Variants in ADGRA2 observed in about 807,000 individuals in gnomAD.
The protein encoded by ADGRA2 is G-protein coupled receptor 124.
Under a neutral mutation model 98.7 loss-of-function variants are expected in ADGRA2, and 61 were observed. That is an observed-to-expected ratio of 0.62 (90% CI 0.50 to 0.76). The LOEUF (loss-of-function observed/expected upper bound fraction) is 0.76. ADGRA2 is among the 30% of genes least tolerant of loss of function. The pLI is 0.00. For synonymous variants in ADGRA2, 858 were observed against 831.5 expected, an observed-to-expected ratio of 1.03 and a Z score of -0.55; for missense variants, 1,712 against 1,860.0, an observed-to-expected ratio of 0.92 and a Z score of 1.46.
chr8:37,836,097 A>ACACACACACACC (rs1245868623), intron 13 of ADGRA2, among the ~76,000 whole-genome samples: 20 of 108,742 alleles, frequency 1.8e-4, no homozygotes, highest in African/African-American at 5.5e-4. Context: ...ACACACACAC[A>ACACACACACACC]CCCCACAGGC....
chr8:37,832,133 A>ATTT lies in ADGRA2; in HGVS notation c.1097+546_1097+547insTTT, dbSNP rs1563349094. Among the ~76,000 whole-genome samples, 305 of 94,768 alleles carry ATTT rather than the reference A, an allele frequency of 3.2e-3. 2 individuals carry two copies. The highest frequency in any genetic ancestry group is 8.5e-3 in the African/African-American group (250 of 29,414). 62.2% of individuals were successfully genotyped at this position (94,768 alleles called of 152,430 possible). A position where few individuals can be genotyped will look rare whatever the true frequency, so the allele number is the denominator to read the frequency against. ...GCAGAAAAAGACTTTTTTTTTTTTG[A>ATTT]GAGAGAGTCTCACTCTGGAGTGCAA... On this transcript the variant is annotated intron_variant, in intron 8 of 18. Coordinates refer to ENST00000412232, the MANE Select transcript of ADGRA2 (RefSeq NM_032777.10).
chr8:37,839,197 G>C, intron 15 of ADGRA2, 114 bp downstream of exon 15: 1 of 1,413,006 alleles, frequency 7.1e-7, no homozygotes, highest in Non-Finnish European at 1.0e-6. Flanking sequence ...CTTTGCAATG[G>C]GGGAGGGACT....
At position 37,829,823 on chromosome 8, in the gene ADGRA2, C is replaced by T. The variant is rs778310613; in HGVS notation, c.555-28C>T. 1.3e-5 allele frequency: 21 copies of T among 1,597,956 alleles called. No individual in the cohort carries two copies. The Admixed American group carries it at 1.9e-4, about 14-fold the overall frequency. The stretch of plus-strand genomic sequence containing the variant: ...ATGAGCCCACACTCCCTCTGCTCTG[C>T]TCCGTGACCCCTCTGCCCACCCTGC... On this transcript the variant is annotated intron_variant, in intron 5 of 18. Transcript: ENST00000412232.
intron 8 of ADGRA2, among the ~76,000 whole-genome samples, chr8:37,832,347 C>CT (rs1230519875): frequency 6.6e-6 from 1 of 151,930 alleles, no homozygotes; most frequent in African/African-American, 2.4e-5. Context: ...GCCACTGCGA[C>CT]TTTTTTTTAG....
chr8:37,833,617 AGGGT>A, intron 9 of ADGRA2, 67 bp from the exon 10 acceptor site: 1 of 1,510,786 alleles, frequency 6.6e-7, no homozygotes, highest in Non-Finnish European at 9.1e-7. Flanking sequence ...CACAGAGCAG[AGGGT>A]CCCCAGGGGC....
rs150292268 is a variant in ADGRA2 at position 37,808,558 on chromosome 8, CTGTG to C, written c.267-6311_267-6308del. On this transcript the variant is annotated intron_variant, in intron 1 of 18. Transcript: ENST00000412232. ...ACATTTTTCTGCCCATTGGATGAAGCTGTGTGTGTGTGTGTGTGTGTGTGTGTGT... is the reference window on the plus strand; with the variant it reads ...ACATTTTTCTGCCCATTGGATGAAGCTGTGTGTGTGTGTGTGTGTGTGTGT... Among the ~76,000 whole-genome samples the C allele has an allele frequency of 2.2e-3, 329 of 146,664 alleles. 1 individual carries two copies. Among genetic ancestry groups the C allele is most frequent in the African/African-American group, 7.3e-3 (291 of 40,086 alleles).
chr8:37,831,553 G>T lies in ADGRA2; in HGVS notation c.1063G>T (p.Ala355Ser). ...VLETSASYCP[A>S]ERVANNRGDF... ...GGAGACCTCTGCCTCCTACTGCCCC[G>T]CCGAGCGTGTTGCCAACAACCGCGG... Residue 355 changes from alanine (A) to serine (S), a missense_variant, in exon 8 of 19, where the codon GCC becomes TCC. By Grantham distance (99) the Ala-to-Ser change is moderately conservative. Transcript: ENST00000412232. The T allele has an allele frequency of 6.2e-7, 1 of 1,613,794 alleles. No individual in the cohort carries two copies. Among genetic ancestry groups the T allele is most frequent in the Non-Finnish European group, 8.5e-7 (1 of 1,180,010 alleles).
intron 8 of ADGRA2, 95 bp from the exon 9 acceptor site, chr8:37,832,915 C>A (rs1005863214): frequency 2.2e-6 from 2 of 914,840 alleles, no homozygotes; most frequent in Non-Finnish European, 3.5e-6. Flanking sequence ...CTCCCCAAGG[C>A]CCCAAGGAGT....
chr8:37,812,721 A>G (rs1337061714), intron 1 of ADGRA2, among the ~76,000 whole-genome samples: 1 of 151,468 alleles, frequency 6.6e-6, no homozygotes, highest in African/African-American at 2.4e-5. Flanking sequence ...GTGGAGTGCA[A>G]TGGTGCCATC....
At position 37,840,848 on chromosome 8, in the gene ADGRA2, T is replaced by C. The variant is rs1805767851; in HGVS notation, c.2746T>C (p.Tyr916His). 1 of 1,574,416 alleles carries C rather than the reference T, an allele frequency of 6.4e-7. No individual in the cohort carries two copies. Among genetic ancestry groups the C allele is most frequent in the Non-Finnish European group, 8.7e-7 (1 of 1,145,634 alleles). ...CCACAACTACCGGGACCACAGCCCCTAGTGAGCACCCCTCCCTCCCGCCCC... is the reference window on the plus strand; with the variant it reads ...CCACAACTACCGGGACCACAGCCCCCAGTGAGCACCCCTCCCTCCCGCCCC... ...NIHNYRDHSP[Y>H]CWLVWRPSLG... The change falls in exon 18 of 19, where the codon TAC (tyrosine) becomes CAC (histidine). Residue 916 changes from tyrosine to histidine, a missense_variant and splice_region_variant. By Grantham distance (83) the Tyr-to-His change is moderately conservative. Coordinates refer to ENST00000412232, the MANE Select transcript of ADGRA2 (RefSeq NM_032777.10).
chr8:37,826,179 G>A (rs1310883124), intron 2 of ADGRA2, among the ~76,000 whole-genome samples: 2 of 152,220 alleles, frequency 1.3e-5, no homozygotes, highest in Non-Finnish European at 2.9e-5. Flanking sequence ...ATGAAGGGAA[G>A]TGACACAATG....
In ADGRA2 at chr8:37,844,439, G is replaced by A. The variant is rs761726764; in HGVS notation, c.*2084G>A. 1.9e-6 allele frequency: 3 copies of A among 1,583,594 alleles called. No individual in the cohort carries two copies. The East Asian group carries it at 6.7e-5, about 36-fold the overall frequency. On this transcript the variant is annotated 3_prime_UTR_variant, in exon 19 of 19. Coordinates refer to ENST00000412232, the MANE Select transcript of ADGRA2 (RefSeq NM_032777.10). ...ACACTTCCATCCTTGGTTATAACAG[G>A]AATGTTATCAAGCTGTCAGAACAGG...
chr8:37,840,172 G>T lies in ADGRA2; in HGVS notation c.2563G>T (p.Val855Leu), dbSNP rs759091895. 1.2e-6 allele frequency: 2 copies of T among 1,611,252 alleles called. No individual in the cohort carries two copies. The highest frequency in any genetic ancestry group is 1.7e-6 in the Non-Finnish European group (2 of 1,179,788). The change falls in exon 17 of 19, where the codon GTG becomes TTG. Residue 855 changes from valine to leucine, a missense_variant. Physicochemically the swap from Val to Leu is conservative, Grantham distance 32 (BLOSUM62 1). Coordinates refer to ENST00000412232, the MANE Select transcript of ADGRA2 (RefSeq NM_032777.10). ...SSLSTLLWMGVKARVLHKELT... is the reference protein window; with the variant it reads ...SSLSTLLWMGLKARVLHKELT... The stretch of plus-strand genomic sequence containing the variant: ...CCTATCCACGCTGCTCTGGATGGGC[G>T]TGAAGGCGCGAGTGCTCCATAAGGA...
rs1358025045 is a variant in ADGRA2, at chr8:37,837,952, AG to A, written c.2259+17del. Reference sequence around the variant, plus strand: ...GGCCGTGCTCATGGTGGGTGTGAGGAGGGGTGACAAGTCGGGGGGGCAGGGA... The same window carrying A: ...GGCCGTGCTCATGGTGGGTGTGAGGAGGGTGACAAGTCGGGGGGGCAGGGA... On this transcript the variant is annotated intron_variant, in intron 14 of 18. Coordinates refer to ENST00000412232, the MANE Select transcript of ADGRA2 (RefSeq NM_032777.10). 1.5e-6 allele frequency: 2 copies of A among 1,363,844 alleles called. No individual in the cohort carries two copies. Among genetic ancestry groups the A allele is most frequent in the South Asian group, 3.0e-5 (2 of 66,564 alleles). 84.5% of individuals were successfully genotyped at this position (1,363,844 alleles called of 1,614,324 possible). A position where few individuals can be genotyped will look rare whatever the true frequency, so the allele number is the denominator to read the frequency against.
At chr8:37,806,566 G>C (rs1259622604) in intron 1 of ADGRA2, among the ~76,000 whole-genome samples, 4 of 124,336 alleles carry the variant, frequency 3.2e-5, no homozygotes, top group African/African-American at 1.4e-4. Flanking sequence ...GTCTCACTCT[G>C]TCACCCAGGC....
intron 1 of ADGRA2, among the ~76,000 whole-genome samples, chr8:37,808,806 C>A (rs1054921946): frequency 1.4e-4 from 22 of 151,974 alleles, no homozygotes; most frequent in Non-Finnish European, 2.5e-4. Flanking sequence ...TTTTTTCTTT[C>A]TTTATTTATT....
At position 37,838,992 on chromosome 8, in the gene ADGRA2, G is replaced by A. The variant is rs531290202; in HGVS notation, c.2296G>A (p.Gly766Arg). The A allele has an allele frequency of 1.2e-5, 19 of 1,577,330 alleles. No individual in the cohort carries two copies. The highest frequency in any genetic ancestry group is 4.5e-5 in the East Asian group (2 of 44,002). Residue 766 changes from glycine (G) to arginine (R), a missense_variant, in exon 15 of 19, where the codon GGG (glycine) becomes AGG (arginine). Transcript: ENST00000412232. The stretch of plus-strand genomic sequence containing the variant: ...CTTTCCCAGGGAGGTGGGGGGCGCC[G>A]GGGCAGGGCTGCACCCCGTGGTATA... ...SAFPREVGGA[G>R]AGLHPVVYPC... is the part of the protein sequence containing the mutation.
chr8:37,837,459 G>A (rs1035017513), intron 13 of ADGRA2, among the ~76,000 whole-genome samples: 1 of 151,020 alleles, frequency 6.6e-6, no homozygotes, highest in African/African-American at 2.4e-5. Flanking sequence ...TCCTCACCAT[G>A]GAGCATGACA....
chr8:37,842,571 C>A lies in ADGRA2; in HGVS notation c.*216C>A. 5 of 787,316 alleles carry A rather than the reference C, an allele frequency of 6.4e-6. No individual in the cohort carries two copies. The highest frequency in any genetic ancestry group is 4.0e-5 in the South Asian group (1 of 24,916). The allele number at this position is 787,316 out of a possible 1,614,324, so 48.8% of individuals were successfully genotyped here. A position where few individuals can be genotyped will look rare whatever the true frequency, so the allele number is the denominator to read the frequency against. ...ACACGCATAATACATTTCCGTCCAG[C>A]CCGGGGCAGTCTGACTGTCGGTGCC... On this transcript the variant is annotated 3_prime_UTR_variant, in exon 19 of 19. Transcript: ENST00000412232.
Sources: allele counts gnomAD v4.1 joint callset (sites outside exome capture counted in the v4.1 genomes callset), GRCh38; gene constraint gnomAD v4.1.1; transcripts MANE v1.5; gene names NCBI Gene and HGNC (gene_info 2026-07-23, HGNC 2026-07-21).